The following LANCL2 variants were observed in gnomAD, a reference collection of about 807,000 sequenced individuals.
The protein encoded by LANCL2 is LanC like glutathione S-transferase 2, also known as lanC-like protein 2.
In LANCL2, 33 loss-of-function variants were observed where a neutral mutation model predicts 56.9. The observed-to-expected ratio is 0.58, with a 90% CI of 0.44 to 0.78. The LOEUF (loss-of-function observed/expected upper bound fraction) is 0.78, where lower values mean the gene tolerates loss of function less well. LANCL2 is among the 30% of genes least tolerant of loss of function. The pLI is 0.00. For missense variants in LANCL2, 562 were observed against 580.2 expected (o/e 0.97, Z 0.32); for synonymous variants, 233 against 228.2 (o/e 1.02, Z -0.19).
chr7:55,407,609 T>C (rs1481075871), intron 5 of LANCL2, among the ~76,000 whole-genome samples: 3 of 152,186 alleles, frequency 2.0e-5, no homozygotes, highest in African/African-American at 4.8e-5. Context: ...AGCTGCCCCA[T>C]AGGATGTGAG....
chr7:55,371,136 G>C (rs1258771216), intron 1 of LANCL2, among the ~76,000 whole-genome samples: 1 of 152,118 alleles, frequency 6.6e-6, no homozygotes, highest in African/African-American at 2.4e-5. Flanking sequence ...TGTTTGTCCT[G>C]CATATCTTCC....
chr7:55,389,230 G>A (rs766875606), intron 1 of LANCL2, among the ~76,000 whole-genome samples: 5 of 152,128 alleles, frequency 3.3e-5, no homozygotes, highest in African/African-American at 7.2e-5. Context: ...CAGCCTAGAG[G>A]TGAGTCTGCA....
At position 55,366,197 on chromosome 7, in the gene LANCL2, G is replaced by A. The variant is rs1052027634; in HGVS notation, c.172G>A (p.Glu58Lys). ...GCVRPPATTDEPGLPFHQDGK... is the reference protein window; with the variant it reads ...GCVRPPATTDKPGLPFHQDGK... ...TGTTCGTCCCCCGGCGACCACGGAT[G>A]AGCCCGGCCTCCCTTTTCATCAGGA... The change falls in exon 1 of 9, where the codon GAG becomes AAG. Residue 58 changes from glutamate to lysine, a missense_variant. By Grantham distance (56) the Glu-to-Lys change is moderately conservative (BLOSUM62 1). Transcript: ENST00000254770. The A allele has an allele frequency of 1.3e-6, 2 of 1,545,610 alleles. No homozygotes were observed. The highest frequency in any genetic ancestry group is 2.8e-5 in the African/African-American group (2 of 71,814).
chr7:55,433,072 C>T lies in LANCL2; in HGVS notation c.*1752C>T, dbSNP rs1326283501. 6.6e-6 allele frequency: 1 copy of T among 152,424 alleles called. No homozygotes were observed. The highest frequency in any genetic ancestry group is 2.4e-5 in the African/African-American group (1 of 41,458). 9.4% of individuals were successfully genotyped at this position (152,424 alleles called of 1,614,324 possible). A position where few individuals can be genotyped will look rare whatever the true frequency, so the allele number is the denominator to read the frequency against. The stretch of plus-strand genomic sequence containing the variant: ...TCAAAACATAACACATCACAGCACT[C>T]AGTAGAGGTCCTGCCTCCCCATTTC... On this transcript the variant is annotated 3_prime_UTR_variant, in exon 9 of 9. Coordinates refer to ENST00000254770, the MANE Select transcript of LANCL2 (RefSeq NM_018697.4).
chr7:55,418,250 C>T (rs1275144985), intron 6 of LANCL2, among the ~76,000 whole-genome samples: 1 of 151,174 alleles, frequency 6.6e-6, no homozygotes, highest in African/African-American at 2.4e-5. Flanking sequence ...GGTGTGATCA[C>T]GGCTCACTGC....
chr7:55,416,505 T>C (rs1328092891), intron 6 of LANCL2, among the ~76,000 whole-genome samples: 4 of 152,194 alleles, frequency 2.6e-5, no homozygotes, highest in Non-Finnish European at 4.4e-5. Flanking sequence ...GGTTTCGAAC[T>C]CGTGGACTCA....
chr7:55,401,513 G>GTCTTTTTTTTTTTTTTTTTTTTTTTTTTT (rs1790324960), intron 5 of LANCL2, among the ~76,000 whole-genome samples, 193 bp downstream of exon 5: 1 of 66,066 alleles, frequency 1.5e-5, no homozygotes, highest in Non-Finnish European at 2.7e-5. Flanking sequence ...TTGGTATGGA[G>GTCTTTTTTTTTTTTTTTTTTTTTTTTTTT]TCTTTTTTTT....
Position 55,366,035 on chromosome 7 carries a change from A to C in LANCL2, c.10A>C (p.Thr4Pro), listed in dbSNP as rs1789858432. Residue 4 changes from threonine to proline, a missense_variant, in exon 1 of 9, where the codon ACC becomes CCC. Physicochemically the swap from Thr to Pro is conservative, Grantham distance 38 (BLOSUM62 -1). Around this residue, in one of 2 missense-constraint regions of LANCL2, gnomAD observed 184 missense variants for 111.8 expected, o/e 1.65. Transcript: ENST00000254770. MGE[T>P]MSKRLKLHLG... Reference sequence around the variant, plus strand: ...CCGTACCGCGGCGGAGATGGGCGAGACCATGTCAAAGAGGCTGAAGCTCCA... The same window carrying C: ...CCGTACCGCGGCGGAGATGGGCGAGCCCATGTCAAAGAGGCTGAAGCTCCA... 2.7e-6 allele frequency: 4 copies of C among 1,486,210 alleles called. No individual in the cohort carries two copies. The highest frequency in any genetic ancestry group is 3.6e-6 in the Non-Finnish European group (4 of 1,112,424). 92.1% of individuals were successfully genotyped at this position (1,486,210 alleles called of 1,614,324 possible).
chr7:55,387,806 A>G (rs2128992427), intron 1 of LANCL2, among the ~76,000 whole-genome samples: 1 of 152,320 alleles, frequency 6.6e-6, no homozygotes, highest in East Asian at 1.9e-4. Flanking sequence ...TATCCTTTTT[A>G]AAAAACAACC....
At chr7:55,399,360 T>C (rs62457865) in intron 3 of LANCL2, among the ~76,000 whole-genome samples, 50,418 of 142,790 alleles carry the variant, frequency 0.35, 9,336 homozygotes, top group African/African-American at 0.43. Flanking sequence ...TTTTTTTTTC[T>C]GAGATGGAAT....
rs1028866491 is a variant in LANCL2 at position 55,433,232 on chromosome 7, A to G, written c.*1912A>G. 1.3e-5 allele frequency: 2 copies of G among 152,348 alleles called. No individual in the cohort carries two copies. Among genetic ancestry groups the G allele is most frequent in the Admixed American group, 6.5e-5 (1 of 15,286 alleles). 9.4% of individuals were successfully genotyped at this position (152,348 alleles called of 1,614,324 possible). ...TGGCCTAGGATGCGGGTGTCTCCCC[A>G]GGTGAGTCCATCCACACACGTTTGA... On this transcript the variant is annotated 3_prime_UTR_variant, in exon 9 of 9. Coordinates refer to ENST00000254770, the MANE Select transcript of LANCL2 (RefSeq NM_018697.4).
intron 6 of LANCL2, among the ~76,000 whole-genome samples, chr7:55,421,584 C>T (rs1216957782): frequency 6.6e-6 from 1 of 152,142 alleles, no homozygotes; most frequent in Non-Finnish European, 1.5e-5. Context: ...CTCAGGTAAT[C>T]CGCCAGCCTC....
chr7:55,394,721 G>A (rs1007184760), intron 2 of LANCL2, among the ~76,000 whole-genome samples: 1 of 152,196 alleles, frequency 6.6e-6, no homozygotes, highest in African/African-American at 2.4e-5. Context: ...GTCCAGGCAT[G>A]GCTGAATCAC....
chr7:55,425,203 C>T (rs758400107), intron 6 of LANCL2, 51 bp from the exon 7 acceptor site: 7 of 1,570,546 alleles, frequency 4.5e-6, no homozygotes, highest in Non-Finnish European at 6.1e-6. Context: ...ATTTTGCCAA[C>T]TCATCGTTGA....
At chr7:55,415,560 A>G (rs932595248) in intron 6 of LANCL2, among the ~76,000 whole-genome samples, 1 of 150,110 alleles carries the variant, frequency 6.7e-6, no homozygotes, top group African/African-American at 2.5e-5. Flanking sequence ...AGATTCTGAT[A>G]CCTTCTTAAT....
Position 55,365,710 on chromosome 7 carries a change from A to C in LANCL2, c.-316A>C. The C allele has an allele frequency of 2.1e-5, 5 of 237,060 alleles. No homozygotes were observed. Among genetic ancestry groups the C allele is most frequent in the East Asian group, 7.8e-5 (1 of 12,844 alleles). 14.7% of individuals were successfully genotyped at this position (237,060 alleles called of 1,614,324 possible). ...CGGACGGGCTCTGCGGGCCACGGGG[A>C]AGGTGCGAGGAGGCGCGAGCAGGCT... On this transcript the variant is annotated 5_prime_UTR_variant, in exon 1 of 9. Transcript: ENST00000254770.
At chr7:55,397,621 TA>T (rs1790269878) in intron 2 of LANCL2, among the ~76,000 whole-genome samples, 1 of 149,292 alleles carries the variant, frequency 6.7e-6, no homozygotes, top group African/African-American at 2.4e-5. Context: ...TTGGTTCCTA[TA>T]AAAGACTTCA....
chr7:55,379,775 T>C (rs1790044813), intron 1 of LANCL2: 1 of 152,636 alleles, frequency 6.6e-6, no homozygotes, highest in South Asian at 2.1e-4. Context: ...CAAAGTTAAA[T>C]ACATTTACAA....
intron 6 of LANCL2, among the ~76,000 whole-genome samples, chr7:55,413,738 A>G (rs1264456848): frequency 1.3e-5 from 2 of 152,210 alleles, no homozygotes; most frequent in Non-Finnish European, 2.9e-5. Context: ...GCTGGTTCCA[A>G]AACAAATTTC....
Sources: gnomAD v4.1 joint callset for allele counts (sites outside exome capture counted in the v4.1 genomes callset) on GRCh38, gnomAD v4.1.1 for gene constraint, gnomAD v4.1.1 regional missense constraint, MANE v1.5 for transcripts, NCBI Gene and HGNC (gene_info 2026-07-23, HGNC 2026-07-21) for gene names.